ARFGAP3: variants seen among roughly 807,000 people sequenced by gnomAD.
The protein encoded by ARFGAP3 is ADP-ribosylation factor GTPase-activating protein 3.
A neutral mutation model predicts 75.0 loss-of-function variants in ARFGAP3; 72 were observed. That is an observed-to-expected ratio of 0.96 (90% CI 0.79 to 1.17). The LOEUF (loss-of-function observed/expected upper bound fraction) is 1.17. ARFGAP3 is among the 50% of genes most tolerant of loss of function. The pLI is 0.00. For missense variants in ARFGAP3, 620 were observed against 626.6 expected (o/e 0.99, Z 0.11); for synonymous variants, 221 against 217.9 (o/e 1.01, Z -0.13).
chr22:42,817,625 CA>C (rs28362469), intron 10 of ARFGAP3, 103 bp downstream of exon 10: 361 of 884,626 alleles, frequency 4.1e-4, no homozygotes, highest in East Asian at 5.2e-4. Context: ...TAATGAATAA[CA>C]AAAAAAAATC....
At chr22:42,808,224 C>T (rs1925211426) in intron 13 of ARFGAP3, among the ~76,000 whole-genome samples, 1 of 151,654 alleles carries the variant, frequency 6.6e-6, no homozygotes, top group African/African-American at 2.4e-5. Flanking sequence ...ATGGTGAAAC[C>T]TCATCTCTAC....
At chr22:42,848,130 T>G (rs183799047) in intron 1 of ARFGAP3, among the ~76,000 whole-genome samples, 1,614 of 152,156 alleles carry the variant, frequency 0.011, 29 homozygotes, top group African/African-American at 0.037. Flanking sequence ...TCCCATAGTG[T>G]TGGGATTACA....
chr22:42,799,959 A>G (rs555801069), intron 14 of ARFGAP3, among the ~76,000 whole-genome samples: 49 of 152,228 alleles, frequency 3.2e-4, no homozygotes, highest in African/African-American at 1.1e-3. Flanking sequence ...GTTAGTTGTT[A>G]GTTTTGTTAA....
At chr22:42,844,414 G>A (rs1383950802) in intron 2 of ARFGAP3, among the ~76,000 whole-genome samples, 2 of 151,866 alleles carry the variant, frequency 1.3e-5, no homozygotes, top group Admixed American at 1.3e-4. Flanking sequence ...GTGAAACCCC[G>A]TCTCTAGTAA....
intron 5 of ARFGAP3, among the ~76,000 whole-genome samples, chr22:42,832,322 G>A (rs1926329268): frequency 6.6e-6 from 1 of 152,026 alleles, no homozygotes; most frequent in Non-Finnish European, 1.5e-5. Flanking sequence ...GAGGTCAGGA[G>A]TTCGAGACCA....
intron 6 of ARFGAP3, among the ~76,000 whole-genome samples, chr22:42,830,507 C>T (rs1356571414): frequency 6.6e-6 from 1 of 152,156 alleles, no homozygotes; most frequent in East Asian, 1.9e-4. Context: ...TTTATATAAG[C>T]CAGCACTTCT....
chr22:42,845,566 A>C (rs112389690), intron 2 of ARFGAP3, among the ~76,000 whole-genome samples: 227 of 151,600 alleles, frequency 1.5e-3, no homozygotes, highest in African/African-American at 2.6e-3. Flanking sequence ...ACAAAAAAAA[A>C]CCCCAAGTTT....
chr22:42,834,462 T>A, intron 4 of ARFGAP3, 137 bp from the exon 5 acceptor site: 1 of 1,443,218 alleles, frequency 6.9e-7, no homozygotes, highest in Non-Finnish European at 9.2e-7. Context: ...GTAACATCCC[T>A]ACAGAGGACC....
At chr22:42,797,826 T>TGTTGG in intron 15 of ARFGAP3, 1 of 818,906 alleles carries the variant, frequency 1.2e-6, no homozygotes, top group Non-Finnish European at 1.5e-6. Flanking sequence ...ATTCACATCC[T>TGTTGG]GCCTCTGGCA....
chr22:42,828,418 T>C (rs1473872703), intron 6 of ARFGAP3, among the ~76,000 whole-genome samples: 2 of 151,438 alleles, frequency 1.3e-5, no homozygotes, highest in Non-Finnish European at 2.9e-5. Context: ...TAGCCAGGAG[T>C]GGTGGCACAT....
chr22:42,856,596 C>G (rs1381558856), intron 1 of ARFGAP3, among the ~76,000 whole-genome samples: 1 of 152,208 alleles, frequency 6.6e-6, no homozygotes, highest in Non-Finnish European at 1.5e-5. Context: ...AGCTGGAAGC[C>G]AAAGCGTAGA....
At chr22:42,848,471 G>C (rs969553678) in intron 1 of ARFGAP3, among the ~76,000 whole-genome samples, 6 of 152,206 alleles carry the variant, frequency 3.9e-5, no homozygotes, top group Non-Finnish European at 5.9e-5. Context: ...GACTCCCAAA[G>C]TGCTGGGATT....
chr22:42,855,642 C>G (rs1168180312), intron 1 of ARFGAP3, among the ~76,000 whole-genome samples: 3 of 151,646 alleles, frequency 2.0e-5, no homozygotes, highest in Non-Finnish European at 4.4e-5. Context: ...GAGATCGCAC[C>G]ACTGCACTCC....
At chr22:42,809,225 T>C (rs918264451) in intron 12 of ARFGAP3, among the ~76,000 whole-genome samples, 9 of 152,362 alleles carry the variant, frequency 5.9e-5, no homozygotes, top group Non-Finnish European at 1.3e-4. Flanking sequence ...GGTTATAAAA[T>C]GTCCCAGTTA....
intron 1 of ARFGAP3, chr22:42,853,458 C>G (rs1927367078): frequency 4.5e-6 from 1 of 220,668 alleles, no homozygotes. Flanking sequence ...GCTGGCCATC[C>G]TTGGGCTCTA....
chr22:42,849,973 T>C (rs1401467049), intron 1 of ARFGAP3, among the ~76,000 whole-genome samples: 1 of 152,142 alleles, frequency 6.6e-6, no homozygotes, highest in African/African-American at 2.4e-5. Context: ...GCCTGAAAAA[T>C]AGGCTTACCC....
At chr22:42,812,887 C>G (rs1357772533) in intron 11 of ARFGAP3, among the ~76,000 whole-genome samples, 3 of 152,224 alleles carry the variant, frequency 2.0e-5, no homozygotes, top group Non-Finnish European at 2.9e-5. Context: ...CCAGGCTCTC[C>G]CTATGGCGGA....
At chr22:42,804,376 ATTT>A (rs1169858932) in intron 14 of ARFGAP3, among the ~76,000 whole-genome samples, 2 of 74,476 alleles carry the variant, frequency 2.7e-5, no homozygotes, top group African/African-American at 6.0e-5. Flanking sequence ...CACCCAGCTA[ATTT>A]TTTTTTTTTT....
chr22:42,809,071 A>C, intron 12 of ARFGAP3, 181 bp from the exon 13 acceptor site: 1 of 401,950 alleles, frequency 2.5e-6, no homozygotes, highest in Non-Finnish European at 3.4e-6. Flanking sequence ...ACGATACAAA[A>C]TTTGAAGGAA....
Sources: gnomAD v4.1 joint callset for allele counts (sites outside exome capture counted in the v4.1 genomes callset) on GRCh38, gnomAD v4.1.1 for gene constraint, MANE v1.5 for transcripts, NCBI Gene and HGNC (gene_info 2026-07-23, HGNC 2026-07-21) for gene names.